PCGF6: variants seen among roughly 807,000 people sequenced by gnomAD.
The protein encoded by PCGF6 is polycomb group RING finger protein 6.
PCGF6 carries 24 observed loss-of-function variants against 45.5 expected under a neutral mutation model. The observed-to-expected ratio is 0.53, with a 90% CI of 0.38 to 0.74. PCGF6 has a LOEUF of 0.74. Among genes scored for constraint, PCGF6 ranks in the 30% least tolerant of loss-of-function variants. The pLI is 0.00. For synonymous variants in PCGF6, 152 were observed against 162.1 expected (o/e 0.94, Z 0.47); for missense variants, 356 against 443.2 (o/e 0.80, Z 1.77).
chr10:103,340,310 TCTC>T (rs1257390017), intron 6 of PCGF6, among the ~76,000 whole-genome samples: 1 of 151,026 alleles, frequency 6.6e-6, no homozygotes, highest in East Asian at 1.9e-4. Context: ...TAAATCCAGA[TCTC>T]CTATTCCAAG....
chr10:103,313,207 G>A (rs1458775812), intron 9 of PCGF6, among the ~76,000 whole-genome samples: 1 of 152,168 alleles, frequency 6.6e-6, no homozygotes, highest in African/African-American at 2.4e-5. Flanking sequence ...CTCTAAAGCA[G>A]GGGTGTCCAA....
chr10:103,333,117 TAAAA>T (rs55722610), intron 7 of PCGF6, among the ~76,000 whole-genome samples: 1 of 131,026 alleles, frequency 7.6e-6, no homozygotes, highest in Admixed American at 8.0e-5. Flanking sequence ...AGACTCCATT[TAAAA>T]AAAAAAAAAA....
At chr10:103,336,116 C>G (rs1348961408) in intron 6 of PCGF6, among the ~76,000 whole-genome samples, 1 of 151,798 alleles carries the variant, frequency 6.6e-6, no homozygotes, top group Admixed American at 6.6e-5. Context: ...CACCTGTAGT[C>G]CCAGCTACTC....
chr10:103,307,486 T>C (rs2093142013), intron 9 of PCGF6, among the ~76,000 whole-genome samples: 2 of 152,132 alleles, frequency 1.3e-5, no homozygotes, highest in Admixed American at 1.3e-4. Flanking sequence ...ATTTCATTCA[T>C]TTATTATTTT....
At chr10:103,347,533 TGA>T (rs1366585976) in intron 3 of PCGF6, 83 bp from the exon 4 acceptor site, 2 of 1,102,858 alleles carry the variant, frequency 1.8e-6, no homozygotes, top group African/African-American at 3.2e-5. Context: ...TGTTTTCTCT[TGA>T]GAGTGGGTAT....
chr10:103,346,354 A>G (rs1271079874), intron 5 of PCGF6, among the ~76,000 whole-genome samples: 1 of 149,972 alleles, frequency 6.7e-6, no homozygotes, highest in Non-Finnish European at 1.5e-5. Context: ...GGCCAGGCAC[A>G]GTGGCTCAAG....
chr10:103,345,420 T>C (rs2093295588), intron 5 of PCGF6, among the ~76,000 whole-genome samples: 1 of 152,068 alleles, frequency 6.6e-6, no homozygotes, highest in Non-Finnish European at 1.5e-5. Flanking sequence ...TAAGCACTAC[T>C]ATGTGTCAGG....
In PCGF6 at chr10:103,345,145, C is replaced by T. The variant is rs773145991; in HGVS notation, c.674-13G>A. 1.3e-5 allele frequency: 20 copies of T among 1,535,290 alleles called. No homozygotes were observed. Among genetic ancestry groups the T allele is most frequent in the Middle Eastern group, 1.7e-4 (1 of 5,820 alleles). On this transcript the variant is annotated splice_polypyrimidine_tract_variant and intron_variant, in intron 5 of 9. Coordinates refer to ENST00000369847, the MANE Select transcript of PCGF6 (RefSeq NM_001011663.2). Reference sequence around the variant, plus strand: ...GGCTGTGGAACAGCTATTTAATAGTCAAACAAAAATGTTAATTAAGAATAA... The same window carrying T: ...GGCTGTGGAACAGCTATTTAATAGTTAAACAAAAATGTTAATTAAGAATAA...
intron 6 of PCGF6, among the ~76,000 whole-genome samples, chr10:103,337,971 G>A (rs2093263692): frequency 9.3e-6 from 1 of 107,474 alleles, no homozygotes; most frequent in Non-Finnish European, 2.0e-5. Context: ...GGCTGAGGCA[G>A]GAGAATGGCG....
intron 8 of PCGF6, among the ~76,000 whole-genome samples, chr10:103,317,685 A>G (rs564638557): frequency 7.9e-5 from 12 of 152,074 alleles, no homozygotes; most frequent in South Asian, 6.2e-4. Flanking sequence ...TAACAAACTT[A>G]AAAAAAATTG....
intron 8 of PCGF6, among the ~76,000 whole-genome samples, chr10:103,324,394 A>C (rs187264073): frequency 2.0e-5 from 3 of 150,712 alleles, no homozygotes; most frequent in Admixed American, 6.6e-5. Flanking sequence ...CCACAGAACT[A>C]GAACTATGAG....
chr10:103,328,490 AC>A (rs1381255479), intron 7 of PCGF6, among the ~76,000 whole-genome samples: 3 of 152,194 alleles, frequency 2.0e-5, no homozygotes, highest in Non-Finnish European at 2.9e-5. Context: ...CCAGGCAGAC[AC>A]CTGGGCTCAA....
intron 9 of PCGF6, among the ~76,000 whole-genome samples, chr10:103,312,176 G>C (rs1290256249): frequency 6.6e-6 from 1 of 151,210 alleles, no homozygotes; most frequent in African/African-American, 2.4e-5. Flanking sequence ...GGCAGATCAG[G>C]AGGTCAGGAG....
At chr10:103,346,832 T>A (rs1034210695) in intron 5 of PCGF6, among the ~76,000 whole-genome samples, 1 of 152,200 alleles carries the variant, frequency 6.6e-6, no homozygotes, top group African/African-American at 2.4e-5. Flanking sequence ...CAAATCTATT[T>A]CATGTCCATT....
At chr10:103,350,375 G>T (rs1210873161) in intron 1 of PCGF6, among the ~76,000 whole-genome samples, 1 of 151,982 alleles carries the variant, frequency 6.6e-6, no homozygotes, top group Non-Finnish European at 1.5e-5. Flanking sequence ...GGAGTTGGAG[G>T]CTGCAGTGAG....
At chr10:103,304,031 G>C in intron 9 of PCGF6, 70 bp from the exon 10 acceptor site, 1 of 1,313,190 alleles carries the variant, frequency 7.6e-7, no homozygotes, top group Non-Finnish European at 1.1e-6. Context: ...TCAAGTCAAA[G>C]CTGGCTTACT....
At chr10:103,306,607 T>G (rs1388006313) in intron 9 of PCGF6, among the ~76,000 whole-genome samples, 1 of 152,008 alleles carries the variant, frequency 6.6e-6, no homozygotes, top group Non-Finnish European at 1.5e-5. Flanking sequence ...ACTTCCTCAC[T>G]CCTCAACTCA....
chr10:103,328,355 T>C (rs576946661), intron 7 of PCGF6, among the ~76,000 whole-genome samples: 1 of 152,288 alleles, frequency 6.6e-6, no homozygotes, highest in Admixed American at 6.5e-5. Context: ...TCAGAGTCTA[T>C]ATTAGATAGG....
chr10:103,351,077 G>T lies in PCGF6; in HGVS notation c.-11C>A. 7.3e-7 allele frequency: 1 copy of T among 1,363,262 alleles called. No individual in the cohort carries two copies. 84.4% of individuals were successfully genotyped at this position (1,363,262 alleles called of 1,614,324 possible). A position where few individuals can be genotyped will look rare whatever the true frequency, so the allele number is the denominator to read the frequency against. The stretch of plus-strand genomic sequence containing the variant: ...CGCGACCCCCTCCATGGTCGGGAGA[G>T]ACACCAGGCGAGGCGAGGCGGCGGG... On this transcript the variant is annotated 5_prime_UTR_variant, in exon 1 of 10. Coordinates refer to ENST00000369847, the MANE Select transcript of PCGF6 (RefSeq NM_001011663.2).
Sources: allele counts gnomAD v4.1 joint callset (sites outside exome capture counted in the v4.1 genomes callset), GRCh38; gene constraint gnomAD v4.1.1; transcripts MANE v1.5; gene names NCBI Gene and HGNC (gene_info 2026-07-23, HGNC 2026-07-21).